Variants in OLFML1 observed in about 807,000 individuals in gnomAD.
The protein encoded by OLFML1 is olfactomedin like 1, also known as olfactomedin-like protein 1.
OLFML1 carries 33 observed loss-of-function variants against 37.3 expected under a neutral mutation model. That is an observed-to-expected ratio of 0.88 (90% CI 0.67 to 1.18). The LOEUF (loss-of-function observed/expected upper bound fraction) is 1.18, where lower values mean the gene tolerates loss of function less well. Ranked by LOEUF, OLFML1 falls within the 50% of genes most tolerant of loss-of-function variation. The pLI, the probability that OLFML1 is intolerant of heterozygous loss-of-function variation, is 0.00. For synonymous variants in OLFML1, 186 were observed against 181.3 expected (o/e 1.03, Z -0.21); for missense variants, 545 against 483.7 (o/e 1.13, Z -1.19).
Position 7,510,244 on chromosome 11 carries a change from G to T in OLFML1, c.*56G>T. On this transcript the variant is annotated 3_prime_UTR_variant, in exon 3 of 3. Transcript: ENST00000329293. ...GCTTTGGCAGCTGTTCTACAGGACA[G>T]TGAGGCTATAGCCCCTTCACAATAT... 1 of 1,403,450 alleles carries T rather than the reference G, an allele frequency of 7.1e-7. No homozygotes were observed. Among genetic ancestry groups the T allele is most frequent in the African/African-American group, 1.4e-5 (1 of 70,214 alleles). The allele number at this position is 1,403,450 out of a possible 1,614,324, so 86.9% of individuals were successfully genotyped here. A position where few individuals can be genotyped will look rare whatever the true frequency, so the allele number is the denominator to read the frequency against.
At chr11:7,492,446 T>C (rs1433931279) in intron 2 of OLFML1, among the ~76,000 whole-genome samples, 2 of 152,222 alleles carry the variant, frequency 1.3e-5, no homozygotes, top group Admixed American at 6.5e-5. Flanking sequence ...TGCAACTTCC[T>C]TGGAAAATTT....
intron 2 of OLFML1, among the ~76,000 whole-genome samples, chr11:7,505,774 T>G (rs1236547727): frequency 6.6e-6 from 1 of 152,142 alleles, no homozygotes; most frequent in African/African-American, 2.4e-5. Flanking sequence ...GAGGCTACAG[T>G]GAGCCACGAT....
At chr11:7,505,986 C>T (rs774917346) in intron 2 of OLFML1, among the ~76,000 whole-genome samples, 20 of 152,242 alleles carry the variant, frequency 1.3e-4, no homozygotes, top group Non-Finnish European at 2.8e-4. Context: ...CACAAAAGGT[C>T]TATTTGAGTT....
chr11:7,489,514 G>A (rs115428950), intron 2 of OLFML1, among the ~76,000 whole-genome samples: 3,235 of 151,902 alleles, frequency 0.021, 116 homozygotes, highest in African/African-American at 0.074. Flanking sequence ...GCTAGATGAA[G>A]GAAGTTGAAG....
At chr11:7,488,623 C>T (rs12805400) in intron 2 of OLFML1, 8 of 445,242 alleles carry the variant, frequency 1.8e-5, no homozygotes, top group Non-Finnish European at 3.2e-5. Flanking sequence ...CTTTCACACA[C>T]AGTGCCTAAA....
intron 2 of OLFML1, among the ~76,000 whole-genome samples, chr11:7,497,846 T>C (rs1232152830): frequency 6.6e-6 from 1 of 152,222 alleles, no homozygotes; most frequent in Non-Finnish European, 1.5e-5. Context: ...TGCCGGGCCC[T>C]GTTTAAGCCC....
At chr11:7,509,002 T>C (rs1848819202) in intron 2 of OLFML1, among the ~76,000 whole-genome samples, 1 of 152,326 alleles carries the variant, frequency 6.6e-6, no homozygotes, top group South Asian at 2.1e-4. Context: ...TAGAACTGGA[T>C]AGCAAGTCTC....
rs766286812 is a variant in OLFML1, at chr11:7,509,895, C to A, written c.916C>A (p.His306Asn). 1 of 1,614,214 alleles carries A rather than the reference C, an allele frequency of 6.2e-7. No individual in the cohort carries two copies. Among genetic ancestry groups the A allele is most frequent in the Admixed American group, 1.7e-5 (1 of 60,022 alleles). Reference protein sequence around the residue: ...KIEPGTLGVEHSWDTPCRSQD... With the variant: ...KIEPGTLGVENSWDTPCRSQD... ...TGAGCCGGGCACACTGGGAGTGGAG[C>A]ATTCATGGGATACCCCATGCAGAAG... The change falls in exon 3 of 3, where the codon CAT (histidine) becomes AAT (asparagine). Residue 306 changes from histidine (H) to asparagine (N), a missense_variant. Physicochemically the swap from His to Asn is moderately conservative, Grantham distance 68. Transcript: ENST00000329293.
chr11:7,503,037 G>A (rs1413980219), intron 2 of OLFML1, among the ~76,000 whole-genome samples: 2 of 152,218 alleles, frequency 1.3e-5, no homozygotes, highest in Non-Finnish European at 2.9e-5. Context: ...AAAGTAGGCA[G>A]AAAGAGAGTT....
chr11:7,485,713 T>C lies in OLFML1; in HGVS notation c.-163T>C. ...CTAGCTGGCAAACTGAGCTCACGTA[T>C]CGGGTGGAATAACAAGCGGACTTTG... On this transcript the variant is annotated 5_prime_UTR_variant, in exon 1 of 3. Coordinates refer to ENST00000329293, the MANE Select transcript of OLFML1 (RefSeq NM_198474.4). 1.4e-6 allele frequency: 1 copy of C among 713,922 alleles called. No homozygotes were observed. Among genetic ancestry groups the C allele is most frequent in the Middle Eastern group, 4.2e-4 (1 of 2,386 alleles). The allele number at this position is 713,922 out of a possible 1,614,324, so 44.2% of individuals were successfully genotyped here.
chr11:7,503,270 C>T (rs141832293), intron 2 of OLFML1, among the ~76,000 whole-genome samples: 32 of 151,758 alleles, frequency 2.1e-4, no homozygotes, highest in Non-Finnish European at 3.4e-4. Flanking sequence ...AAAGAGGAGG[C>T]CTGAGGATAA....
intron 2 of OLFML1, among the ~76,000 whole-genome samples, chr11:7,505,848 T>A (rs542659465): frequency 2.7e-5 from 4 of 146,138 alleles, no homozygotes; most frequent in African/African-American, 1.0e-4. Context: ...TTAAAAAAAA[T>A]GTCCAAAATT....
At chr11:7,495,101 T>C (rs1172497189) in intron 2 of OLFML1, among the ~76,000 whole-genome samples, 1 of 152,320 alleles carries the variant, frequency 6.6e-6, no homozygotes, top group East Asian at 1.9e-4. Context: ...CAGGTCACTA[T>C]ATCCAGTAGA....
At chr11:7,488,473 C>G (rs188303927) in intron 2 of OLFML1, 58 bp downstream of exon 2, 140 of 1,379,190 alleles carry the variant, frequency 1.0e-4, no homozygotes, top group Non-Finnish European at 1.3e-4. Flanking sequence ...CAGAAACACA[C>G]AGACTCAGAG....
At chr11:7,492,582 T>A (rs1848611716) in intron 2 of OLFML1, among the ~76,000 whole-genome samples, 1 of 152,214 alleles carries the variant, frequency 6.6e-6, no homozygotes, top group South Asian at 2.1e-4. Context: ...ATAAAATTGT[T>A]CTATAACTAA....
At chr11:7,503,150 A>G (rs567838200) in intron 2 of OLFML1, among the ~76,000 whole-genome samples, 22 of 152,330 alleles carry the variant, frequency 1.4e-4, no homozygotes, top group African/African-American at 5.1e-4. Flanking sequence ...GGGACTAAGT[A>G]GATATCCAGA....
At position 7,510,978 on chromosome 11, in the gene OLFML1, G is replaced by A. The variant is rs1848852575; in HGVS notation, c.*790G>A. On this transcript the variant is annotated 3_prime_UTR_variant, in exon 3 of 3. Transcript: ENST00000329293. ...TTTCACCTTTGTGAAACATGCACAA[G>A]TCTTTACAGCTGTCATTCTAGAGTT... is the stretch of plus-strand genomic sequence containing the variant. 6.6e-6 allele frequency: 1 copy of A among 152,204 alleles called. No individual in the cohort carries two copies. The highest frequency in any genetic ancestry group is 2.1e-4 in the South Asian group (1 of 4,834). 9.4% of individuals were successfully genotyped at this position (152,204 alleles called of 1,614,324 possible).
At position 7,510,766 on chromosome 11, in the gene OLFML1, G is replaced by C. The variant is rs1450181110; in HGVS notation, c.*578G>C. 6.6e-6 allele frequency: 1 copy of C among 152,232 alleles called. No individual in the cohort carries two copies. Among genetic ancestry groups the C allele is most frequent in the African/African-American group, 2.4e-5 (1 of 41,378 alleles). 9.4% of individuals were successfully genotyped at this position (152,232 alleles called of 1,614,324 possible). ...AGATCCTCCTGCCTCAGCCTCCTAA[G>C]TACCTGGGATTACAGGCATGTGCCA... On this transcript the variant is annotated 3_prime_UTR_variant, in exon 3 of 3. Coordinates refer to ENST00000329293, the MANE Select transcript of OLFML1 (RefSeq NM_198474.4).
At chr11:7,497,525 G>A (rs1848677513) in intron 2 of OLFML1, among the ~76,000 whole-genome samples, 1 of 152,124 alleles carries the variant, frequency 6.6e-6, no homozygotes, top group African/African-American at 2.4e-5. Context: ...TCCAGCTGTA[G>A]GGACCCCATC....
Sources: gnomAD v4.1 joint callset for allele counts (sites outside exome capture counted in the v4.1 genomes callset) on GRCh38, gnomAD v4.1.1 for gene constraint, MANE v1.5 for transcripts, NCBI Gene and HGNC (gene_info 2026-07-23, HGNC 2026-07-21) for gene names.